Variants in ELOVL6 observed in about 807,000 individuals in gnomAD.
The protein encoded by ELOVL6 is ELOVL fatty acid elongase 6.
Under a neutral mutation model 31.7 loss-of-function variants are expected in ELOVL6, and 8 were observed. The observed-to-expected ratio is 0.25, with a 90% CI of 0.15 to 0.45. The LOEUF (loss-of-function observed/expected upper bound fraction) is 0.45. ELOVL6 is among the 20% of genes least tolerant of loss of function. The probability of loss-of-function intolerance (pLI) is 1.00; values close to 1 mark genes in which losing one functional copy is unlikely to be tolerated. For missense variants in ELOVL6, 126 were observed against 326.4 expected, an observed-to-expected ratio of 0.39 and a Z score of 4.73; for synonymous variants, 101 against 117.7, an observed-to-expected ratio of 0.86 and a Z score of 0.92.
intron 2 of ELOVL6, among the ~76,000 whole-genome samples, chr4:110,083,202 A>T (rs1755933838): frequency 6.6e-6 from 1 of 151,824 alleles, no homozygotes; most frequent in Non-Finnish European, 1.5e-5. Flanking sequence ...AATACATTAA[A>T]AATAGCTTAC....
intron 2 of ELOVL6, among the ~76,000 whole-genome samples, chr4:110,060,829 G>A (rs957083514): frequency 6.6e-6 from 1 of 152,170 alleles, no homozygotes; most frequent in African/African-American, 2.4e-5. Context: ...AACAACTGTT[G>A]AATTGGGAAA....
intron 1 of ELOVL6, among the ~76,000 whole-genome samples, chr4:110,111,062 C>T (rs139424093): frequency 1.1e-4 from 17 of 152,278 alleles, no homozygotes; most frequent in African/African-American, 3.9e-4. Flanking sequence ...AGTAGAGTTA[C>T]ATTTAGTCCA....
chr4:110,193,717 T>C (rs1016765608), intron 1 of ELOVL6, among the ~76,000 whole-genome samples: 22 of 152,244 alleles, frequency 1.4e-4, no homozygotes, highest in African/African-American at 5.3e-4. Flanking sequence ...TTAAAATTCC[T>C]ATACTATCTT....
intron 1 of ELOVL6, among the ~76,000 whole-genome samples, chr4:110,127,051 C>T (rs1329997052): frequency 1.3e-5 from 2 of 152,162 alleles, no homozygotes; most frequent in African/African-American, 2.4e-5. Flanking sequence ...AGTAGACCAT[C>T]TCTCCTACTC....
At chr4:110,162,643 C>T (rs1410972193) in intron 1 of ELOVL6, among the ~76,000 whole-genome samples, 1 of 151,812 alleles carries the variant, frequency 6.6e-6, no homozygotes, top group African/African-American at 2.4e-5. Context: ...CTGTGCCAGG[C>T]CTGAATATAT....
At chr4:110,151,668 C>G (rs1758282842) in intron 1 of ELOVL6, among the ~76,000 whole-genome samples, 1 of 152,166 alleles carries the variant, frequency 6.6e-6, no homozygotes, top group South Asian at 2.1e-4. Flanking sequence ...CATTAAGAGA[C>G]AGCATTTGTG....
intron 1 of ELOVL6, among the ~76,000 whole-genome samples, chr4:110,187,251 CCTTT>C (rs1560863391): frequency 4.0e-5 from 6 of 151,668 alleles, no homozygotes; most frequent in African/African-American, 9.7e-5. Flanking sequence ...ATTAAGAGGT[CCTTT>C]GACCTCTTAA....
intron 1 of ELOVL6, among the ~76,000 whole-genome samples, chr4:110,112,743 A>C (rs370662468): frequency 2.0e-5 from 3 of 151,988 alleles, no homozygotes; most frequent in African/African-American, 7.3e-5. Context: ...GTGTGGTGGT[A>C]CATGCTTGTA....
intron 1 of ELOVL6, among the ~76,000 whole-genome samples, chr4:110,118,970 T>G (rs1578494740): frequency 6.6e-6 from 1 of 152,112 alleles, no homozygotes; most frequent in South Asian, 2.1e-4. Flanking sequence ...CAGAGGTAGG[T>G]GAATGGCTTT....
At chr4:110,055,721 A>C (rs1037175586) in intron 3 of ELOVL6, among the ~76,000 whole-genome samples, 1 of 152,180 alleles carries the variant, frequency 6.6e-6, no homozygotes, top group Non-Finnish European at 1.5e-5. Flanking sequence ...CAGAGCTTCA[A>C]AAACAATGAC....
At chr4:110,079,903 G>A (rs79400832) in intron 2 of ELOVL6, among the ~76,000 whole-genome samples, 37,659 of 151,848 alleles carry the variant, frequency 0.25, 4,855 homozygotes, top group Non-Finnish European at 0.29. Context: ...AAATGATAAA[G>A]GGGATATCAC....
At chr4:110,164,362 G>A (rs948900304) in intron 1 of ELOVL6, among the ~76,000 whole-genome samples, 1 of 152,138 alleles carries the variant, frequency 6.6e-6, no homozygotes, top group Non-Finnish European at 1.5e-5. Context: ...AAAGGAAAAA[G>A]TAAAACGGTT....
chr4:110,121,947 C>T (rs1468817071), intron 1 of ELOVL6, among the ~76,000 whole-genome samples: 2 of 152,108 alleles, frequency 1.3e-5, no homozygotes, highest in Non-Finnish European at 2.9e-5. Context: ...TTGAAGCTGA[C>T]TACTCCTTTT....
At position 110,136,405 on chromosome 4, in the gene ELOVL6, C is replaced by T. The variant is rs532494028; in HGVS notation, c.90-30777G>A. Among the ~76,000 whole-genome samples the T allele has an allele frequency of 5.3e-5, 8 of 152,154 alleles. No individual in the cohort carries two copies. In the South Asian group the frequency reaches 8.3e-4, roughly 16 times the overall value. ...TATATTGAACGCCTTATTTAAAACT[C>T]GAAATGTGTAAGTAGTAATAAAGAA... On this transcript the variant is annotated intron_variant, in intron 1 of 3. Coordinates refer to ENST00000302274, the MANE Select transcript of ELOVL6 (RefSeq NM_024090.3).
At chr4:110,113,206 C>CGACA (rs1757084324) in intron 1 of ELOVL6, among the ~76,000 whole-genome samples, 2 of 137,884 alleles carry the variant, frequency 1.5e-5, no homozygotes, top group Non-Finnish European at 3.0e-5. Flanking sequence ...CCAGCCTGGG[C>CGACA]GACAAAGCAA....
intron 2 of ELOVL6, among the ~76,000 whole-genome samples, chr4:110,090,203 T>C (rs1756379418): frequency 6.6e-6 from 1 of 152,202 alleles, no homozygotes; most frequent in African/African-American, 2.4e-5. Flanking sequence ...TTTTTCTCAC[T>C]AATTCCTCAT....
chr4:110,191,128 C>G (rs548077835), intron 1 of ELOVL6, among the ~76,000 whole-genome samples: 189 of 152,120 alleles, frequency 1.2e-3, no homozygotes, highest in African/African-American at 4.1e-3. Flanking sequence ...CCATACAATA[C>G]TTTTTAAAAA....
chr4:110,084,448 G>A (rs114691136), intron 2 of ELOVL6, among the ~76,000 whole-genome samples: 3,488 of 31,724 alleles, frequency 0.11, 367 homozygotes, highest in African/African-American at 0.26. Context: ...ATGATATATC[G>A]CATATATCAT....
chr4:110,132,163 G>A (rs890111035), intron 1 of ELOVL6, among the ~76,000 whole-genome samples: 14 of 152,140 alleles, frequency 9.2e-5, no homozygotes, highest in Non-Finnish European at 5.9e-5. Flanking sequence ...AATACAGGAA[G>A]CCATGAAGGG....
Sources: allele counts gnomAD v4.1 joint callset (sites outside exome capture counted in the v4.1 genomes callset), GRCh38; gene constraint gnomAD v4.1.1; transcripts MANE v1.5; gene names NCBI Gene and HGNC (gene_info 2026-07-23, HGNC 2026-07-21).